Variants in CFAP92 observed in about 807,000 individuals in gnomAD.
CFAP92 encodes uncharacterized protein CFAP92.
Under a neutral mutation model 106.3 loss-of-function variants are expected in CFAP92, and 86 were observed. The ratio of observed to expected loss-of-function variants is 0.81; its 90% CI spans 0.68 to 0.97. CFAP92 has a LOEUF of 0.97. Among genes scored for constraint, CFAP92 ranks in the 50% least tolerant of loss-of-function variants. CFAP92 has a pLI of 0.00. For missense variants in CFAP92, 1,204 were observed against 1,283.8 expected (o/e 0.94, Z 0.95); for synonymous variants, 477 against 506.4 (o/e 0.94, Z 0.78).
intron 9 of CFAP92, among the ~76,000 whole-genome samples, chr3:128,956,992 A>AAAAAT (rs1553751682): frequency 1.4e-5 from 2 of 138,866 alleles, no homozygotes; most frequent in African/African-American, 5.1e-5. Flanking sequence ...AAAAAAAAAA[A>AAAAAT]AAAAAGAAAT....
Position 128,976,634 on chromosome 3 carries a change from T to C in CFAP92, c.896+345A>G, listed in dbSNP as rs567077357. On this transcript the variant is annotated intron_variant, in intron 6 of 15. Transcript: ENST00000645291. ...TGCAGGATGGCTGGAGACTCAGGAGTCTGAAGGTGTGGGTTGGAAACCTGG... is the reference window on the plus strand; with the variant it reads ...TGCAGGATGGCTGGAGACTCAGGAGCCTGAAGGTGTGGGTTGGAAACCTGG... Among the ~76,000 whole-genome samples the C allele has an allele frequency of 2.0e-5, 3 of 152,044 alleles. No individual in the cohort carries two copies. The East Asian group carries it at 5.8e-4, about 29-fold the overall frequency.
At chr3:129,019,547 CAA>C in the CFAP92 span, among the ~76,000 whole-genome samples, 83 of 152,196 alleles carry the variant, frequency 5.5e-4, no homozygotes, top group African/African-American at 1.8e-3. Flanking sequence ...GTAGTACAAA[CAA>C]GAGAGAACTA....
chr3:128,911,464 C>T (rs1313589686), intron 15 of CFAP92, among the ~76,000 whole-genome samples: 1 of 151,962 alleles, frequency 6.6e-6, no homozygotes, highest in Non-Finnish European at 1.5e-5. Context: ...GACATAGTCT[C>T]ACTTTGTCAC....
At chr3:128,933,800 C>T (rs1938670894) in intron 11 of CFAP92, among the ~76,000 whole-genome samples, 1 of 152,182 alleles carries the variant, frequency 6.6e-6, no homozygotes, top group Non-Finnish European at 1.5e-5. Flanking sequence ...CTTCCAAATG[C>T]TGTGGCACCA....
intron 12 of CFAP92, among the ~76,000 whole-genome samples, chr3:128,929,687 A>G (rs1351256491): frequency 6.6e-6 from 1 of 152,240 alleles, no homozygotes. Flanking sequence ...ACATAATTAT[A>G]TGGTTCCAAT....
chr3:128,989,345 C>T (rs1489738127), intron 2 of CFAP92, among the ~76,000 whole-genome samples: 2 of 127,586 alleles, frequency 1.6e-5, no homozygotes, highest in Non-Finnish European at 3.2e-5. Context: ...ATAATAGCAG[C>T]AGGAACAAGG....
chr3:128,977,950 C>T (rs1353912006), intron 5 of CFAP92, 95 bp downstream of exon 5: 16 of 1,502,028 alleles, frequency 1.1e-5, no homozygotes, highest in Admixed American at 1.8e-5. Context: ...ACAGGAGGGA[C>T]GCCCATGCAG....
intron 1 of CFAP92, 60 bp from the exon 2 acceptor site, chr3:128,993,396 A>T: frequency 6.7e-7 from 1 of 1,495,494 alleles, no homozygotes; most frequent in Non-Finnish European, 9.0e-7. Flanking sequence ...CCAGGAGGTA[A>T]GCCCGGCCTC....
chr3:128,981,038 CTT>C (rs533356293), intron 4 of CFAP92, among the ~76,000 whole-genome samples: 8 of 139,500 alleles, frequency 5.7e-5, no homozygotes, highest in Non-Finnish European at 4.7e-5. Flanking sequence ...CTTTTTCTTT[CTT>C]TTTTTTTTTT....
intron 9 of CFAP92, among the ~76,000 whole-genome samples, chr3:128,957,823 G>A (rs957099429): frequency 1.1e-5 from 1 of 88,398 alleles, no homozygotes; most frequent in Non-Finnish European, 2.0e-5. Flanking sequence ...CCTACGAAGC[G>A]CCATAAACTG....
chr3:129,018,720 G>A, the CFAP92 span, among the ~76,000 whole-genome samples: 1 of 152,176 alleles, frequency 6.6e-6, no homozygotes, highest in East Asian at 1.9e-4. Context: ...GTTCCCACAC[G>A]CCTTCCTGCC....
chr3:128,971,480 T>C, intron 7 of CFAP92, 47 bp from the exon 8 acceptor site: 1 of 1,439,040 alleles, frequency 6.9e-7, no homozygotes, highest in Non-Finnish European at 9.4e-7. Context: ...AGACTGTATC[T>C]GAGCTGCCAT....
chr3:129,002,030 C>T lies in CFAP92; in HGVS notation n.117+544G>A, dbSNP rs182074815. ...ATGAAGAGGCGCGCCTGGCGCTGCG[C>T]GCCGAGCCGCCGGAGCTCACCTTCC... On this transcript the variant is annotated intron_variant and non_coding_transcript_variant, in intron 1 of 4. Transcript: ENST00000510149. 7.9e-4 allele frequency: 1,224 copies of T among 1,544,056 alleles called. 9 individuals are homozygous for T. In the African/African-American group the frequency reaches 0.015, roughly 19 times the overall value.
At chr3:129,001,658 C>T (rs1276258653) in intron 1 of CFAP92, 2 of 1,401,408 alleles carry the variant, frequency 1.4e-6, no homozygotes, top group Non-Finnish European at 1.8e-6. Context: ...GCGCGGAGGC[C>T]GGCATGGAGG....
chr3:128,937,017 A>C (rs895248086), intron 10 of CFAP92, among the ~76,000 whole-genome samples: 1 of 152,136 alleles, frequency 6.6e-6, no homozygotes, highest in African/African-American at 2.4e-5. Context: ...TTTCATCTAT[A>C]AGCTTTTTAA....
chr3:128,958,352 T>G (rs1428011742), intron 9 of CFAP92, among the ~76,000 whole-genome samples: 2 of 152,204 alleles, frequency 1.3e-5, no homozygotes, highest in African/African-American at 2.4e-5. Flanking sequence ...TGATAGAATA[T>G]TTCTACATCT....
intron 10 of CFAP92, among the ~76,000 whole-genome samples, chr3:128,943,920 G>GTTTTTT (rs768570835): frequency 1.1e-4 from 12 of 110,142 alleles, no homozygotes; most frequent in Non-Finnish European, 1.8e-4. Flanking sequence ...TATTTCCCCC[G>GTTTTTT]TTTTTTTTTT....
At chr3:128,956,196 T>TAAATAAA (rs1941372225) in intron 9 of CFAP92, among the ~76,000 whole-genome samples, 3 of 61,706 alleles carry the variant, frequency 4.9e-5, no homozygotes, top group African/African-American at 2.8e-4. Flanking sequence ...AAAAAAAAAA[T>TAAATAAA]AAAAAAAAAA....
intron 9 of CFAP92, among the ~76,000 whole-genome samples, chr3:128,964,861 G>A (rs997581703): frequency 5.3e-5 from 8 of 151,930 alleles, no homozygotes; most frequent in Admixed American, 1.3e-4. Context: ...GAGAAACATC[G>A]CCCGTTCTCT....
Sources: gnomAD v4.1 joint callset for allele counts (sites outside exome capture counted in the v4.1 genomes callset) on GRCh38, gnomAD v4.1.1 for gene constraint, MANE v1.5 for transcripts, NCBI Gene and HGNC (gene_info 2026-07-23, HGNC 2026-07-21) for gene names.